ROBO2: variants seen among roughly 807,000 people sequenced by gnomAD.
The protein encoded by ROBO2 is roundabout guidance receptor 2.
Under a neutral mutation model 160.8 loss-of-function variants are expected in ROBO2, and 53 were observed. The ratio of observed to expected loss-of-function variants is 0.33; its 90% CI spans 0.26 to 0.41. ROBO2 has a LOEUF of 0.41. ROBO2 is among the 10% of genes least tolerant of loss of function. The probability of loss-of-function intolerance (pLI) is 1.00; values close to 1 mark genes in which losing one functional copy is unlikely to be tolerated. For missense variants in ROBO2, 1,577 were observed against 1,722.4 expected, an observed-to-expected ratio of 0.92 and a Z score of 1.49; for synonymous variants, 664 against 611.7, an observed-to-expected ratio of 1.09 and a Z score of -1.26.
intron 4 of ROBO2, among the ~76,000 whole-genome samples, chr3:77,491,103 T>C (rs1377728417): frequency 6.6e-6 from 1 of 152,198 alleles, no homozygotes; most frequent in Non-Finnish European, 1.5e-5. Flanking sequence ...TCACTCTCTG[T>C]CTAGCTTTGT....
chr3:77,104,495 C>T (rs1222183738), intron 2 of ROBO2, among the ~76,000 whole-genome samples: 1 of 152,050 alleles, frequency 6.6e-6, no homozygotes, highest in Non-Finnish European at 1.5e-5. Context: ...GCATTACTCC[C>T]ACTTTTTTTC....
intron 2 of ROBO2, among the ~76,000 whole-genome samples, chr3:76,893,988 G>T (rs2074564456): frequency 6.6e-6 from 1 of 152,076 alleles, no homozygotes; most frequent in East Asian, 1.9e-4. Context: ...CCTGTGAATT[G>T]ATAGACGATT....
chr3:76,762,929 T>C (rs934993747), intron 2 of ROBO2, among the ~76,000 whole-genome samples: 4 of 151,840 alleles, frequency 2.6e-5, no homozygotes, highest in Middle Eastern at 3.4e-3. Flanking sequence ...AGAAGGAGTA[T>C]TGTTCACGAT....
intron 2 of ROBO2, among the ~76,000 whole-genome samples, chr3:76,201,976 C>T (rs1021308002): frequency 4.0e-5 from 6 of 150,684 alleles, no homozygotes; most frequent in African/African-American, 9.8e-5. Context: ...GCTAATAAAA[C>T]GCCAAACAAG....
At chr3:77,508,559 C>A (rs1030753758) in intron 5 of ROBO2, among the ~76,000 whole-genome samples, 15 of 151,254 alleles carry the variant, frequency 9.9e-5, no homozygotes, top group African/African-American at 1.5e-4. Flanking sequence ...TTAAAGTTCT[C>A]TGCATTTTTG....
chr3:76,832,301 CA>C (rs1463447304), intron 2 of ROBO2, among the ~76,000 whole-genome samples: 1 of 152,122 alleles, frequency 6.6e-6, no homozygotes, highest in African/African-American at 2.4e-5. Context: ...GATATTATGC[CA>C]GACTATTTCC....
intron 2 of ROBO2, among the ~76,000 whole-genome samples, chr3:77,375,215 C>T (rs1259941848): frequency 6.6e-6 from 1 of 152,208 alleles, no homozygotes; most frequent in Non-Finnish European, 1.5e-5. Context: ...TTGTCTCTAA[C>T]AAAGATATAT....
Position 76,266,610 on chromosome 3 carries a change from A to G in ROBO2, c.109+329008A>G, listed in dbSNP as rs185631359. ...GATTATGTTTGTATTTTCAGGGGTC[A>G]TACAGAGTAACATTGGGGATTTATT... On this transcript the variant is annotated intron_variant, in intron 2 of 26. Coordinates refer to the ROBO2 transcript ENST00000487694. 4.6e-5 allele frequency among the ~76,000 whole-genome samples: 7 copies of G among 152,238 alleles called. No individual in the cohort carries two copies. The South Asian group carries it at 6.2e-4, about 14-fold the overall frequency.
At chr3:75,928,589 A>C (rs544728886) in intron 1 of ROBO2, among the ~76,000 whole-genome samples, 13 of 152,320 alleles carry the variant, frequency 8.5e-5, no homozygotes, top group African/African-American at 2.9e-4. Flanking sequence ...AGTGGCATAT[A>C]ATGATGACTG....
At chr3:77,419,978 C>A (rs531408286) in intron 2 of ROBO2, among the ~76,000 whole-genome samples, 2 of 152,130 alleles carry the variant, frequency 1.3e-5, no homozygotes, top group African/African-American at 2.4e-5. Context: ...TTTCAGGAAA[C>A]AAACTGAGGC....
exon 5 of ROBO2, chr3:77,493,279 G>A (rs755198997): frequency 6.2e-7 from 1 of 1,613,802 alleles, no homozygotes; most frequent in South Asian, 1.1e-5. Context: ...AATTAACCAG[G>A]TGGTACTGGA....
chr3:76,611,641 T>A (rs561400865), intron 2 of ROBO2, among the ~76,000 whole-genome samples: 2 of 152,328 alleles, frequency 1.3e-5, no homozygotes, highest in African/African-American at 4.8e-5. Flanking sequence ...CTGATTTTAT[T>A]TATTGAGATA....
In ROBO2 at chr3:76,132,750, C is replaced by T. The variant is rs377593361; in HGVS notation, c.109+195148C>T. Reference sequence around the variant, plus strand: ...AGTTCTCTTATGTGAAATGAGAAGCCACAAAAGATTTCCTGGAAATTATAG... The same window carrying T: ...AGTTCTCTTATGTGAAATGAGAAGCTACAAAAGATTTCCTGGAAATTATAG... On this transcript the variant is annotated intron_variant, in intron 2 of 26. Transcript: ENST00000487694. 1.5e-4 allele frequency among the ~76,000 whole-genome samples: 23 copies of T among 152,110 alleles called. No individual in the cohort carries two copies. The South Asian group carries it at 4.8e-3, about 32-fold the overall frequency.
At chr3:76,223,140 G>C (rs1024796495) in intron 2 of ROBO2, among the ~76,000 whole-genome samples, 2 of 151,482 alleles carry the variant, frequency 1.3e-5, no homozygotes, top group African/African-American at 4.9e-5. Flanking sequence ...TTCTTTTGGA[G>C]TATATTAATG....
At chr3:77,014,344 C>A (rs563539229) in intron 2 of ROBO2, among the ~76,000 whole-genome samples, 2 of 152,258 alleles carry the variant, frequency 1.3e-5, no homozygotes, top group East Asian at 3.9e-4. Flanking sequence ...CTAGAAGACC[C>A]TGGTAAAACT....
chr3:76,603,489 C>T (rs1259129756), intron 2 of ROBO2, among the ~76,000 whole-genome samples: 1 of 148,994 alleles, frequency 6.7e-6, no homozygotes, highest in East Asian at 2.0e-4. Context: ...CCAATAAAGT[C>T]CTATTAAATT....
chr3:76,821,386 A>C (rs1017595051), intron 2 of ROBO2, among the ~76,000 whole-genome samples: 3 of 152,034 alleles, frequency 2.0e-5, no homozygotes, highest in Non-Finnish European at 4.4e-5. Context: ...AAAGAGGTCA[A>C]ATTAATTCCC....
At chr3:77,571,192 T>G (rs1304589608) in intron 13 of ROBO2, among the ~76,000 whole-genome samples, 1 of 152,014 alleles carries the variant, frequency 6.6e-6, no homozygotes, top group Non-Finnish European at 1.5e-5. Context: ...AGAAGTCTGC[T>G]AAAACCAGAT....
intron 2 of ROBO2, among the ~76,000 whole-genome samples, chr3:76,243,573 G>A (rs1705433797): frequency 6.6e-6 from 1 of 152,166 alleles, no homozygotes; most frequent in South Asian, 2.1e-4. Flanking sequence ...TAAGCTGGAG[G>A]GCTGAGGACG....
Sources: gnomAD v4.1 joint callset for allele counts (sites outside exome capture counted in the v4.1 genomes callset) on GRCh38, gnomAD v4.1.1 for gene constraint, MANE v1.5 for transcripts, NCBI Gene and HGNC (gene_info 2026-07-23, HGNC 2026-07-21) for gene names.